Variants in CASZ1 observed in about 807,000 individuals in gnomAD.
CASZ1 encodes castor zinc finger 1.
In CASZ1, 28 loss-of-function variants were observed where a neutral mutation model predicts 135.2. The observed-to-expected ratio is 0.21, with a 90% CI of 0.15 to 0.28. The LOEUF (loss-of-function observed/expected upper bound fraction) is 0.28, where lower values mean the gene tolerates loss of function less well. CASZ1 is among the 10% of genes least tolerant of loss of function. The pLI is 1.00. For missense variants in CASZ1, 2,161 were observed against 2,453.3 expected, an observed-to-expected ratio of 0.88 and a Z score of 2.52; for synonymous variants, 1,068 against 1,073.4, an observed-to-expected ratio of 0.99 and a Z score of 0.10.
chr1:10,687,273 G>A (rs1230702857), intron 4 of CASZ1, among the ~76,000 whole-genome samples: 3 of 152,228 alleles, frequency 2.0e-5, no homozygotes, highest in Admixed American at 6.5e-5. Flanking sequence ...CACAACATGT[G>A]TCCGTTTCCC....
chr1:10,655,999 C>T (rs1430022986), intron 8 of CASZ1, among the ~76,000 whole-genome samples, 186 bp from the exon 9 acceptor site: 1 of 152,208 alleles, frequency 6.6e-6, no homozygotes, highest in Non-Finnish European at 1.5e-5. Flanking sequence ...AGGGAACCAT[C>T]CCAAAGGTTC....
Position 10,764,860 on chromosome 1 carries a change from C to T in CASZ1, c.-233-4003G>A, listed in dbSNP as rs117364506. ...AAGCGAGGCCCATGGTAATACCCGG[C>T]GAGCAGGATGAACCCCTGAACACAT... On this transcript the variant is annotated intron_variant, in intron 1 of 20. Transcript: ENST00000377022. Among the ~76,000 whole-genome samples the T allele has an allele frequency of 1.5e-3, 221 of 152,264 alleles. 8 individuals are homozygous for T. The East Asian group carries it at 0.038, about 26-fold the overall frequency.
chr1:10,787,769 G>A (rs928425533), intron 1 of CASZ1, among the ~76,000 whole-genome samples: 26 of 152,070 alleles, frequency 1.7e-4, no homozygotes, highest in Non-Finnish European at 2.5e-4. Flanking sequence ...CATGCAATTT[G>A]GCCATTACTG....
rs1006137097 is a variant in CASZ1 at position 10,699,814 on chromosome 1, C to A, written c.-24+5678G>T. ...TGTAGGTTTCTCTTATCAGAAGCAG[C>A]GACGGTTTCACATTAATTTCCCAGT... is the stretch of plus-strand genomic sequence containing the variant. On this transcript the variant is annotated intron_variant, in intron 3 of 20. Coordinates refer to ENST00000377022, the MANE Select transcript of CASZ1 (RefSeq NM_001079843.3). This position sits in a 1 kb window ranked among gnomAD's most constrained non-coding sequence, Gnocchi z 4.6. Among the ~76,000 whole-genome samples, 1 of 151,952 alleles carries A rather than the reference C, an allele frequency of 6.6e-6. No individual in the cohort carries two copies. The highest frequency in any genetic ancestry group is 1.5e-5 in the Non-Finnish European group (1 of 68,004).
chr1:10,752,425 T>C (rs1640166131), intron 2 of CASZ1, among the ~76,000 whole-genome samples: 1 of 152,188 alleles, frequency 6.6e-6, no homozygotes, highest in South Asian at 2.1e-4. Context: ...CCCAGCCTGG[T>C]GGCCACAGAT....
intron 4 of CASZ1, among the ~76,000 whole-genome samples, chr1:10,678,943 C>T (rs558378971): frequency 9.8e-5 from 15 of 152,352 alleles, no homozygotes; most frequent in Non-Finnish European, 2.1e-4. Context: ...AGAAAAGAGG[C>T]TGTCTGCAGA....
In CASZ1 at chr1:10,646,622, G is replaced by A. The variant is rs918298078; in HGVS notation, c.3498-296C>T. Among the ~76,000 whole-genome samples, 2 of 152,252 alleles carry A rather than the reference G, an allele frequency of 1.3e-5. No homozygotes were observed. The highest frequency in any genetic ancestry group is 6.5e-5 in the Admixed American group (1 of 15,292). Reference sequence around the variant, plus strand: ...TCCATGGCCACACCTCAGGATTATAGATAAGGATGGCTGTAATAACTTCTT... The same window carrying A: ...TCCATGGCCACACCTCAGGATTATAAATAAGGATGGCTGTAATAACTTCTT... On this transcript the variant is annotated intron_variant, in intron 16 of 20. Coordinates refer to ENST00000377022, the MANE Select transcript of CASZ1 (RefSeq NM_001079843.3). This position sits in a 1 kb window ranked among gnomAD's most constrained non-coding sequence, Gnocchi z 6.4.
At chr1:10,672,365 T>C (rs1643433513) in intron 4 of CASZ1, among the ~76,000 whole-genome samples, 1 of 152,082 alleles carries the variant, frequency 6.6e-6, no homozygotes, top group African/African-American at 2.4e-5. Flanking sequence ...AATAATTTTG[T>C]GTATTAAAAC....
chr1:10,717,348 T>C lies in CASZ1; in HGVS notation c.-76-11804A>G, dbSNP rs1251420026. Among the ~76,000 whole-genome samples the C allele has an allele frequency of 6.6e-6, 1 of 152,122 alleles. No individual in the cohort carries two copies. The highest frequency in any genetic ancestry group is 1.5e-5 in the Non-Finnish European group (1 of 68,018). On this transcript the variant is annotated intron_variant, in intron 2 of 20. Transcript: ENST00000377022. This position sits in a 1 kb window ranked among gnomAD's most constrained non-coding sequence, Gnocchi z 4.6. ...TTCTGTCCGATGCATCTTTCCTGCC[T>C]TGCCGTGCTGGGGTGTTGGTGAGTT...
Position 10,709,080 on chromosome 1 carries a change from C to T in CASZ1, c.-76-3536G>A, listed in dbSNP as rs1393433415. Among the ~76,000 whole-genome samples, 1 of 152,112 alleles carries T rather than the reference C, an allele frequency of 6.6e-6. No homozygotes were observed. Among genetic ancestry groups the T allele is most frequent in the African/African-American group, 2.4e-5 (1 of 41,404 alleles). On this transcript the variant is annotated intron_variant, in intron 2 of 20. Transcript: ENST00000377022. The surrounding 1 kb of genome is among the most constrained non-coding windows in gnomAD (Gnocchi z 5.1). ...CCAGCGTACCAGGACCTGAAGGGGC[C>T]TCCTCCATCTGCAGTTCCCTCTTGC...
chr1:10,716,618 G>C (rs958530586), intron 2 of CASZ1, among the ~76,000 whole-genome samples: 1 of 152,236 alleles, frequency 6.6e-6, no homozygotes, highest in African/African-American at 2.4e-5. Context: ...CAGAGAGTAA[G>C]AAGAGGAAGA....
chr1:10,718,525 C>T (rs993801977), intron 2 of CASZ1, among the ~76,000 whole-genome samples: 1 of 152,252 alleles, frequency 6.6e-6, no homozygotes, highest in African/African-American at 2.4e-5. Flanking sequence ...GGCTCCTTCT[C>T]CAAGAACCCC....
intron 4 of CASZ1, among the ~76,000 whole-genome samples, 156 bp downstream of exon 4, chr1:10,693,718 G>A (rs559143232): frequency 1.3e-5 from 2 of 152,072 alleles, no homozygotes; most frequent in Admixed American, 1.3e-4. Context: ...CTCAGAAGTC[G>A]CCGATCCCGA....
rs1452983536 is a variant in CASZ1 at position 10,759,120 on chromosome 1, A to C, written c.-77+1581T>G. 1.3e-5 allele frequency among the ~76,000 whole-genome samples: 2 copies of C among 152,198 alleles called. No individual in the cohort carries two copies. Among genetic ancestry groups the C allele is most frequent in the African/African-American group, 4.8e-5 (2 of 41,448 alleles). On this transcript the variant is annotated intron_variant, in intron 2 of 20. Coordinates refer to ENST00000377022, the MANE Select transcript of CASZ1 (RefSeq NM_001079843.3). The surrounding 1 kb of genome is among the most constrained non-coding windows in gnomAD (Gnocchi z 4.2). ...CCCGTCACTGAGAACAGAGCAGGCAAACATTACCCTCTCAGAGGGGAGGGG... is the reference window on the plus strand; with the variant it reads ...CCCGTCACTGAGAACAGAGCAGGCACACATTACCCTCTCAGAGGGGAGGGG...
chr1:10,723,673 A>C (rs542541580), intron 2 of CASZ1, among the ~76,000 whole-genome samples: 141 of 152,166 alleles, frequency 9.3e-4, no homozygotes, highest in Non-Finnish European at 1.8e-3. Flanking sequence ...AGGGCATCAA[A>C]TCAGCAGCCC....
At chr1:10,663,852 C>T (rs1461565714) in intron 5 of CASZ1, among the ~76,000 whole-genome samples, 1 of 152,232 alleles carries the variant, frequency 6.6e-6, no homozygotes, top group Non-Finnish European at 1.5e-5. Context: ...CAGCCCCGCT[C>T]TCCACTCCTC....
intron 1 of CASZ1, among the ~76,000 whole-genome samples, chr1:10,792,254 T>C (rs1405667744): frequency 2.2e-5 from 3 of 136,170 alleles, no homozygotes; most frequent in Non-Finnish European, 4.6e-5. Context: ...TTATTTAGCA[T>C]TGAACCTTCT....
At chr1:10,643,062 A>C in intron 19 of CASZ1, 62 bp from the exon 20 acceptor site, 1 of 1,595,682 alleles carries the variant, frequency 6.3e-7, no homozygotes, top group Admixed American at 1.7e-5. Flanking sequence ...CACAGAGGGC[A>C]GGCTGAGGCT....
Position 10,694,822 on chromosome 1 carries a change from C to A in CASZ1, c.-23-910G>T, listed in dbSNP as rs1346287258. On this transcript the variant is annotated intron_variant, in intron 3 of 20. Coordinates refer to ENST00000377022, the MANE Select transcript of CASZ1 (RefSeq NM_001079843.3). This position sits in a 1 kb window ranked among gnomAD's most constrained non-coding sequence, Gnocchi z 6.6. Reference sequence around the variant, plus strand: ...TGCGCTCAGGGCTGGCGGGAGGGGACCCGGCGCGGGGCGGGGAACGCGGCC... The same window carrying A: ...TGCGCTCAGGGCTGGCGGGAGGGGAACCGGCGCGGGGCGGGGAACGCGGCC... 6.9e-6 allele frequency among the ~76,000 whole-genome samples: 1 copy of A among 144,584 alleles called. No homozygotes were observed. The highest frequency in any genetic ancestry group is 1.5e-5 in the Non-Finnish European group (1 of 65,136). The allele number at this position is 144,584 out of a possible 152,430, so 94.9% of individuals were successfully genotyped here. A position where few individuals can be genotyped will look rare whatever the true frequency, so the allele number is the denominator to read the frequency against.
Sources: gnomAD v4.1 joint callset for allele counts (sites outside exome capture counted in the v4.1 genomes callset) on GRCh38, gnomAD v4.1.1 for gene constraint, Gnocchi (gnomAD v3.1) non-coding constraint, MANE v1.5 for transcripts, NCBI Gene and HGNC (gene_info 2026-07-23, HGNC 2026-07-21) for gene names.